DGKB: variants seen among roughly 807,000 people sequenced by gnomAD.
DGKB encodes 90 kDa diacylglycerol kinase.
A neutral mutation model predicts 114.3 loss-of-function variants in DGKB; 67 were observed. The observed-to-expected ratio is 0.59, with a 90% CI of 0.48 to 0.72. The LOEUF is 0.72. Among genes scored for constraint, DGKB ranks in the 30% least tolerant of loss-of-function variants. The pLI is 0.00. For missense variants in DGKB, 907 were observed against 975.2 expected, an observed-to-expected ratio of 0.93 and a Z score of 0.93; for synonymous variants, 398 against 323.1, an observed-to-expected ratio of 1.23 and a Z score of -2.49.
At chr7:14,226,551 CTT>C (rs1562670956) in intron 23 of DGKB, among the ~76,000 whole-genome samples, 2 of 151,894 alleles carry the variant, frequency 1.3e-5, no homozygotes, top group African/African-American at 4.8e-5. Context: ...TGCAATATCT[CTT>C]TTAAATTTTA....
intron 21 of DGKB, among the ~76,000 whole-genome samples, chr7:14,424,037 C>A (rs1231230625): frequency 6.6e-6 from 1 of 152,072 alleles, no homozygotes; most frequent in Non-Finnish European, 1.5e-5. Flanking sequence ...CAGTATTACT[C>A]CCTACCTGGT....
chr7:14,196,057 C>T (rs896595156), intron 23 of DGKB, among the ~76,000 whole-genome samples: 2 of 152,058 alleles, frequency 1.3e-5, no homozygotes, highest in Non-Finnish European at 2.9e-5. Context: ...TATATCATGA[C>T]GTCTGGTGAC....
At chr7:14,578,779 T>C (rs765066562) in intron 19 of DGKB, among the ~76,000 whole-genome samples, 1 of 152,066 alleles carries the variant, frequency 6.6e-6, no homozygotes, top group Non-Finnish European at 1.5e-5. Context: ...AATTAATCTG[T>C]TTTTGAAAAT....
chr7:14,238,005 G>C (rs1170937714), intron 23 of DGKB, among the ~76,000 whole-genome samples: 1 of 151,960 alleles, frequency 6.6e-6, no homozygotes, highest in Non-Finnish European at 1.5e-5. Context: ...TTTTGAATAT[G>C]TCTATTAGAT....
chr7:14,729,307 A>G (rs149171823), intron 5 of DGKB, among the ~76,000 whole-genome samples: 11,329 of 146,800 alleles, frequency 0.077, 1,476 homozygotes, highest in African/African-American at 0.27. Context: ...TATTTTTAGT[A>G]GAGACCAGGT....
At chr7:14,963,707 G>A (rs1282126374) in intron 1 of DGKB, among the ~76,000 whole-genome samples, 11 of 152,088 alleles carry the variant, frequency 7.2e-5, no homozygotes, top group Admixed American at 7.2e-4. Context: ...TTGCCAGATA[G>A]GTTTGTTGTA....
At chr7:14,864,117 AAG>A (rs1491110957) in intron 1 of DGKB, among the ~76,000 whole-genome samples, 1 of 149,780 alleles carries the variant, frequency 6.7e-6, no homozygotes, top group East Asian at 2.0e-4. Flanking sequence ...AAAAAAAAAA[AAG>A]GGAACATTGA....
Position 14,383,276 on chromosome 7 carries a change from G to A in DGKB, c.1836-37885C>T, listed in dbSNP as rs144496401. On this transcript the variant is annotated intron_variant, in intron 21 of 25. Coordinates refer to ENST00000402815, the MANE Select transcript of DGKB (RefSeq NM_001350709.2). ...GGGACTGATGCCTGGTTATATCTGCGGTACACCAGTTCCTAAAGCAATACC... is the reference window on the plus strand; with the variant it reads ...GGGACTGATGCCTGGTTATATCTGCAGTACACCAGTTCCTAAAGCAATACC... Among the ~76,000 whole-genome samples, 221 of 151,992 alleles carry A rather than the reference G, an allele frequency of 1.5e-3. 1 individual carries two copies. The highest frequency in any genetic ancestry group is 0.01 in the Middle Eastern group (3 of 292).
At chr7:14,499,356 A>G (rs978895156) in intron 20 of DGKB, among the ~76,000 whole-genome samples, 20 of 151,846 alleles carry the variant, frequency 1.3e-4, no homozygotes, top group African/African-American at 4.8e-4. Flanking sequence ...GATTTGAAAA[A>G]TATGGTTAAT....
intron 1 of DGKB, among the ~76,000 whole-genome samples, chr7:14,912,040 G>C (rs865817916): frequency 6.6e-6 from 1 of 152,044 alleles, no homozygotes; most frequent in Non-Finnish European, 1.5e-5. Flanking sequence ...AGTGTCCTGC[G>C]CCCTTCTTCT....
At chr7:14,280,091 CA>C (rs1240313024) in intron 23 of DGKB, among the ~76,000 whole-genome samples, 2 of 151,316 alleles carry the variant, frequency 1.3e-5, no homozygotes, top group Non-Finnish European at 3.0e-5. Context: ...AAACCAAAGG[CA>C]AAGAAGTTGA....
chr7:14,469,003 A>T (rs546842580), intron 21 of DGKB, among the ~76,000 whole-genome samples: 2 of 152,258 alleles, frequency 1.3e-5, no homozygotes, highest in South Asian at 4.1e-4. Context: ...AGTGTCTTGC[A>T]AACAGAAACT....
At chr7:14,486,576 T>G (rs1372406676) in intron 20 of DGKB, among the ~76,000 whole-genome samples, 2 of 152,264 alleles carry the variant, frequency 1.3e-5, no homozygotes, top group East Asian at 3.9e-4. Flanking sequence ...TCATCTACTG[T>G]GGGGATCTCA....
At chr7:14,408,860 C>A (rs1449628312) in intron 21 of DGKB, among the ~76,000 whole-genome samples, 2 of 151,436 alleles carry the variant, frequency 1.3e-5, no homozygotes, top group East Asian at 3.9e-4. Context: ...ACAGATGAGC[C>A]CTATAACCTA....
chr7:14,799,092 A>T (rs1017121672), intron 2 of DGKB, among the ~76,000 whole-genome samples: 2 of 152,208 alleles, frequency 1.3e-5, no homozygotes, highest in Non-Finnish European at 2.9e-5. Context: ...ATAGTGCATT[A>T]TTATAAACTT....
intron 20 of DGKB, among the ~76,000 whole-genome samples, chr7:14,517,668 G>A (rs1789053996): frequency 6.6e-6 from 1 of 151,972 alleles, no homozygotes; most frequent in South Asian, 2.1e-4. Flanking sequence ...AATGGACACT[G>A]CAAAAGAAGA....
At chr7:14,946,003 T>G (rs1785852117) in intron 1 of DGKB, among the ~76,000 whole-genome samples, 1 of 151,592 alleles carries the variant, frequency 6.6e-6, no homozygotes, top group Admixed American at 6.6e-5. Context: ...AATTAAATAT[T>G]TTCCTTTCAG....
chr7:14,478,390 A>G (rs1257092587), intron 20 of DGKB, among the ~76,000 whole-genome samples, 165 bp from the exon 21 acceptor site: 1 of 152,062 alleles, frequency 6.6e-6, no homozygotes, highest in Non-Finnish European at 1.5e-5. Context: ...ATCCATATGC[A>G]GAAGTGATTT....
At chr7:14,845,271 T>C (rs1848495535) in intron 1 of DGKB, among the ~76,000 whole-genome samples, 1 of 152,172 alleles carries the variant, frequency 6.6e-6, no homozygotes, top group Non-Finnish European at 1.5e-5. Context: ...CACCTGGTTA[T>C]TGAATTTAAA....
Sources: gnomAD v4.1 joint callset for allele counts (sites outside exome capture counted in the v4.1 genomes callset) on GRCh38, gnomAD v4.1.1 for gene constraint, MANE v1.5 for transcripts, NCBI Gene and HGNC (gene_info 2026-07-23, HGNC 2026-07-21) for gene names.